Variants in CDH12 observed in about 807,000 individuals in gnomAD.
The protein encoded by CDH12 is cadherin-12.
A neutral mutation model predicts 74.1 loss-of-function variants in CDH12; 41 were observed. That is an observed-to-expected ratio of 0.55 (90% CI 0.43 to 0.72). The LOEUF (loss-of-function observed/expected upper bound fraction) is 0.72. Ranked by LOEUF, CDH12 falls within the 30% of genes least tolerant of loss-of-function variation. CDH12 has a pLI of 0.00. For synonymous variants in CDH12, 399 were observed against 355.0 expected (o/e 1.12, Z -1.39); for missense variants, 945 against 977.2 (o/e 0.97, Z 0.44).
intron 1 of CDH12, among the ~76,000 whole-genome samples, chr5:22,641,943 T>A (rs924277849): frequency 6.6e-6 from 1 of 152,172 alleles, no homozygotes; most frequent in Non-Finnish European, 1.5e-5. Context: ...TTTCCCCTGC[T>A]AGGCTGGGAA....
intron 3 of CDH12, among the ~76,000 whole-genome samples, chr5:22,254,451 C>T (rs1753238665): frequency 6.6e-6 from 1 of 151,682 alleles, no homozygotes; most frequent in Non-Finnish European, 1.5e-5. Context: ...AGAAAAACAT[C>T]AACAATTCCA....
At chr5:21,866,968 A>G (rs1231995950) in intron 6 of CDH12, among the ~76,000 whole-genome samples, 1 of 152,124 alleles carries the variant, frequency 6.6e-6, no homozygotes, top group Non-Finnish European at 1.5e-5. Flanking sequence ...AAAAGGGCCA[A>G]TGTACAGCTC....
intron 2 of CDH12, among the ~76,000 whole-genome samples, chr5:22,493,753 C>A (rs973238824): frequency 1.3e-5 from 2 of 152,068 alleles, no homozygotes; most frequent in East Asian, 3.9e-4. Flanking sequence ...GAAAGAAGGA[C>A]AGAATACACT....
At chr5:22,811,128 C>T (rs1046891057) in intron 1 of CDH12, among the ~76,000 whole-genome samples, 3 of 151,194 alleles carry the variant, frequency 2.0e-5, no homozygotes, top group African/African-American at 7.3e-5. Context: ...TACATATATA[C>T]ACATATATGC....
At chr5:22,452,776 C>G (rs1443549086) in intron 2 of CDH12, among the ~76,000 whole-genome samples, 1 of 142,782 alleles carries the variant, frequency 7.0e-6, no homozygotes, top group Non-Finnish European at 1.5e-5. Context: ...ATCAACAGAG[C>G]AAAGATACAA....
At position 22,343,319 on chromosome 5, in the gene CDH12, C is replaced by CAG. The variant is rs1462976334; in HGVS notation, c.-333+61937_-333+61938insCT. Among the ~76,000 whole-genome samples the CAG allele has an allele frequency of 2.9e-3, 374 of 131,058 alleles. 3 individuals are homozygous for CAG. The highest frequency in any genetic ancestry group is 0.012 in the African/African-American group (339 of 29,208). 86.0% of individuals were successfully genotyped at this position (131,058 alleles called of 152,430 possible). A position where few individuals can be genotyped will look rare whatever the true frequency, so the allele number is the denominator to read the frequency against. ...ACACACACACACACACACAGACACA[C>CAG]ACACAGAGAGAGAGAGAGAGAGAGA... is the stretch of plus-strand genomic sequence containing the variant. On this transcript the variant is annotated intron_variant, in intron 3 of 14. Coordinates refer to ENST00000382254, the MANE Select transcript of CDH12 (RefSeq NM_004061.5).
intron 2 of CDH12, among the ~76,000 whole-genome samples, chr5:22,418,662 T>G (rs939617268): frequency 1.3e-5 from 2 of 152,094 alleles, no homozygotes; most frequent in Non-Finnish European, 2.9e-5. Flanking sequence ...AGCGGGAGGT[T>G]CACTTGAGGT....
At chr5:22,665,522 G>A (rs560537304) in intron 1 of CDH12, among the ~76,000 whole-genome samples, 1 of 152,200 alleles carries the variant, frequency 6.6e-6, no homozygotes, top group South Asian at 2.1e-4. Flanking sequence ...TATATACATG[G>A]TTTTCCACTT....
rs528739796 is a variant in CDH12, at chr5:22,776,241, CATA to C, written c.-523+76814_-523+76816del. Among the ~76,000 whole-genome samples, 38 of 152,246 alleles carry C rather than the reference CATA, an allele frequency of 2.5e-4. 1 individual carries two copies. In the South Asian group the frequency reaches 7.7e-3, roughly 31 times the overall value. On this transcript the variant is annotated intron_variant, in intron 1 of 14. Transcript: ENST00000382254. ...AACTTGCACACCCACCACAAATAAA[CATA>C]ATAATTATAAAGCTCTGGGTACTCT...
chr5:21,883,482 G>C, intron 6 of CDH12: 2 of 1,612,888 alleles, frequency 1.2e-6, no homozygotes, highest in Non-Finnish European at 1.7e-6. Context: ...TCTTCAGGTT[G>C]TGGCAGTCAA....
At chr5:22,656,203 A>G (rs1740025248) in intron 1 of CDH12, among the ~76,000 whole-genome samples, 1 of 152,146 alleles carries the variant, frequency 6.6e-6, no homozygotes, top group Non-Finnish European at 1.5e-5. Flanking sequence ...TATAATAATC[A>G]AATTGTTACA....
intron 12 of CDH12, among the ~76,000 whole-genome samples, chr5:21,761,763 A>G (rs1318139505): frequency 6.6e-6 from 1 of 151,980 alleles, no homozygotes; most frequent in Non-Finnish European, 1.5e-5. Flanking sequence ...AGATAGATAG[A>G]TAGATAGATA....
At chr5:21,799,312 C>T (rs1246293570) in intron 10 of CDH12, among the ~76,000 whole-genome samples, 1 of 151,958 alleles carries the variant, frequency 6.6e-6, no homozygotes, top group Non-Finnish European at 1.5e-5. Context: ...CTTGGTTCCT[C>T]ACAACTGCTT....
At chr5:22,374,040 A>G (rs1741411815) in intron 3 of CDH12, among the ~76,000 whole-genome samples, 1 of 152,192 alleles carries the variant, frequency 6.6e-6, no homozygotes. Context: ...TCTCTGATGA[A>G]CACAGATGCA....
chr5:22,826,459 T>C (rs1051978927), intron 1 of CDH12, among the ~76,000 whole-genome samples: 10 of 152,180 alleles, frequency 6.6e-5, no homozygotes, highest in African/African-American at 2.4e-4. Flanking sequence ...GCTGAAAAGG[T>C]ACACAAAAAT....
chr5:22,532,373 ATATATG>A lies in CDH12; in HGVS notation c.-522-27015_-522-27010del, dbSNP rs1418847453. Among the ~76,000 whole-genome samples, 62 of 76,138 alleles carry A rather than the reference ATATATG, an allele frequency of 8.1e-4. 2 individuals carry two copies. The highest frequency in any genetic ancestry group is 6.8e-3 in the Middle Eastern group (1 of 148). The allele number at this position is 76,138 out of a possible 152,430, so 49.9% of individuals were successfully genotyped here. ...AGGATATATATATATATATATATAT[ATATATG>A]TATGTATCCTATTTTGCTCCTATCC... On this transcript the variant is annotated intron_variant, in intron 1 of 14. Coordinates refer to ENST00000382254, the MANE Select transcript of CDH12 (RefSeq NM_004061.5).
intron 3 of CDH12, among the ~76,000 whole-genome samples, chr5:22,352,889 A>G (rs1482338374): frequency 6.6e-6 from 1 of 152,178 alleles, no homozygotes; most frequent in East Asian, 1.9e-4. Flanking sequence ...AAATACTAAG[A>G]CTAGATCAAG....
At chr5:21,855,316 T>C (rs1750696641) in intron 6 of CDH12, among the ~76,000 whole-genome samples, 1 of 151,694 alleles carries the variant, frequency 6.6e-6, no homozygotes, top group African/African-American at 2.4e-5. Flanking sequence ...AAAATAGTTA[T>C]AAGAGCACTT....
At chr5:22,392,109 C>A (rs1301149250) in intron 3 of CDH12, among the ~76,000 whole-genome samples, 1 of 152,130 alleles carries the variant, frequency 6.6e-6, no homozygotes, top group Non-Finnish European at 1.5e-5. Flanking sequence ...CTACCCCTTC[C>A]TTTGGTATGA....
Sources: gnomAD v4.1 joint callset for allele counts (sites outside exome capture counted in the v4.1 genomes callset) on GRCh38, gnomAD v4.1.1 for gene constraint, MANE v1.5 for transcripts, NCBI Gene and HGNC (gene_info 2026-07-23, HGNC 2026-07-21) for gene names.